The following CEP192 variants were observed in gnomAD, a reference collection of about 807,000 sequenced individuals.
The protein encoded by CEP192 is centrosomal protein of 192 kDa.
CEP192 carries 151 observed loss-of-function variants against 271.8 expected under a neutral mutation model. The ratio of observed to expected loss-of-function variants is 0.56; its 90% CI spans 0.49 to 0.64. The LOEUF is 0.64. Among genes scored for constraint, CEP192 ranks in the 30% least tolerant of loss-of-function variants. The probability of loss-of-function intolerance (pLI) is 0.00; values close to 1 mark genes in which losing one functional copy is unlikely to be tolerated. For synonymous variants in CEP192, 995 were observed against 1,076.5 expected, an observed-to-expected ratio of 0.92 and a Z score of 1.48; for missense variants, 2,910 against 3,020.5, an observed-to-expected ratio of 0.96 and a Z score of 0.86.
chr18:13,065,650 C>T (rs1318919471), intron 21 of CEP192, among the ~76,000 whole-genome samples: 1 of 152,218 alleles, frequency 6.6e-6, no homozygotes, highest in Non-Finnish European at 1.5e-5. Context: ...CACACACATA[C>T]ATACTGGCAG....
chr18:13,108,228 A>G (rs1215359243), intron 40 of CEP192, among the ~76,000 whole-genome samples: 1 of 152,194 alleles, frequency 6.6e-6, no homozygotes, highest in East Asian at 1.9e-4. Context: ...ACCATTTTGG[A>G]CATTATTCTT....
Position 13,056,512 on chromosome 18 carries a change from G to A in CEP192, c.3922G>A (p.Val1308Met). 6.2e-7 allele frequency: 1 copy of A among 1,614,240 alleles called. No individual in the cohort carries two copies. Among genetic ancestry groups the A allele is most frequent in the Non-Finnish European group, 8.5e-7 (1 of 1,180,036 alleles). ...TGCAGGAGAGCCTGTGCAGAACTCT[G>A]TGGCTGTGGGAATTTGTCTAGGATC... is the stretch of plus-strand genomic sequence containing the variant. ...AVAGEPVQNS[V>M]AVGICLGSNI... Residue 1308 changes from valine to methionine, a missense_variant, in exon 19 of 45, where the codon GTG becomes ATG. Transcript: ENST00000506447.
intron 11 of CEP192, among the ~76,000 whole-genome samples, chr18:13,036,769 A>T (rs1420978589): frequency 4.6e-5 from 7 of 152,198 alleles, no homozygotes; most frequent in Non-Finnish European, 1.0e-4. Context: ...TTGAGGGCAG[A>T]CATTAGGGGA....
Position 13,089,484 on chromosome 18 carries a change from A to G in CEP192, c.6022A>G (p.Lys2008Glu), listed in dbSNP as rs886411342. The G allele has an allele frequency of 1.2e-6, 2 of 1,603,594 alleles. No homozygotes were observed. Among genetic ancestry groups the G allele is most frequent in the Non-Finnish European group, 1.7e-6 (2 of 1,174,050 alleles). Reference sequence around the variant, plus strand: ...CCTGTTACATAAACCAGAGATGATAAAACAGATACTTCCAGAACATAGTGT... The same window carrying G: ...CCTGTTACATAAACCAGAGATGATAGAACAGATACTTCCAGAACATAGTGT... The part of the protein sequence containing the change: ...RALLHKPEMI[K>E]QILPEHSVLQ... The change falls in exon 33 of 45, where the codon AAA becomes GAA. Residue 2008 changes from lysine to glutamate, a missense_variant. Coordinates refer to ENST00000506447, the MANE Select transcript of CEP192 (RefSeq NM_032142.4).
chr18:13,057,743 T>G lies in CEP192; in HGVS notation c.4257+10T>G, dbSNP rs2037190298. 6.2e-7 allele frequency: 1 copy of G among 1,611,174 alleles called. No homozygotes were observed. The highest frequency in any genetic ancestry group is 8.5e-7 in the Non-Finnish European group (1 of 1,178,332). ...TGTTAATGGTGAAAAGGTAGCTTTC[T>G]ATGTCTTTCTCATTTAACCTAACAG... On this transcript the variant is annotated intron_variant, in intron 20 of 44. Transcript: ENST00000506447.
Position 13,008,611 on chromosome 18 carries a change from C to T in CEP192, c.446C>T (p.Ser149Leu), listed in dbSNP as rs1257917513. 2 of 1,550,548 alleles carry T rather than the reference C, an allele frequency of 1.3e-6. No homozygotes were observed. The highest frequency in any genetic ancestry group is 3.3e-4 in the Middle Eastern group (2 of 5,984). Residue 149 changes from serine (S) to leucine (L), a missense_variant, in exon 4 of 45, where the codon TCA becomes TTA. Transcript: ENST00000506447. ...GGCCAAGATCTCTTCAACAGGGCTTCACCACTGGAACAAGCACAAGGTACT... is the reference window on the plus strand; with the variant it reads ...GGCCAAGATCTCTTCAACAGGGCTTTACCACTGGAACAAGCACAAGGTACT... The part of the protein sequence containing the change: ...LQGQDLFNRA[S>L]PLEQAQDSPI...
chr18:13,007,727 T>A (rs920165207), intron 3 of CEP192, among the ~76,000 whole-genome samples: 1 of 152,136 alleles, frequency 6.6e-6, no homozygotes, highest in Admixed American at 6.6e-5. Context: ...AAGTAAATTG[T>A]AGTTAGGGTT....
intron 5 of CEP192, 139 bp from the exon 6 acceptor site, chr18:13,015,189 C>A: frequency 1.3e-6 from 1 of 742,228 alleles, no homozygotes. Context: ...AATTGCTAGC[C>A]CTTTATTGCC....
intron 44 of CEP192, 105 bp from the exon 45 acceptor site, chr18:13,124,527 T>G: frequency 9.4e-7 from 1 of 1,069,450 alleles, no homozygotes; most frequent in East Asian, 2.5e-5. Context: ...GAATGTGGCT[T>G]GACCGAGCTC....
chr18:13,038,613 C>CA (rs1339936245), intron 13 of CEP192, 34 bp downstream of exon 13: 2 of 1,464,852 alleles, frequency 1.4e-6, no homozygotes, highest in Non-Finnish European at 9.4e-7. Flanking sequence ...TGCTCACAGT[C>CA]ACCAGATTTT....
Position 13,124,854 on chromosome 18 carries a change from A to G in CEP192, c.*84A>G, listed in dbSNP as rs2040831018. On this transcript the variant is annotated 3_prime_UTR_variant, in exon 45 of 45. Transcript: ENST00000506447. ...TTCTACACTACAATTATGCTTTTGTATATATATTTTGTATGATGGATATCT... is the reference window on the plus strand; with the variant it reads ...TTCTACACTACAATTATGCTTTTGTGTATATATTTTGTATGATGGATATCT... The G allele has an allele frequency of 4.4e-6, 5 of 1,131,450 alleles. No individual in the cohort carries two copies. In the South Asian group the frequency reaches 7.8e-5, roughly 18 times the overall value. The allele number at this position is 1,131,450 out of a possible 1,614,324, so 70.1% of individuals were successfully genotyped here. A position where few individuals can be genotyped will look rare whatever the true frequency, so the allele number is the denominator to read the frequency against.
At chr18:13,055,413 T>C (rs988822869) in intron 18 of CEP192, among the ~76,000 whole-genome samples, 3 of 152,196 alleles carry the variant, frequency 2.0e-5, no homozygotes, top group Non-Finnish European at 2.9e-5. Context: ...TCAAGCTTGC[T>C]CAGCCCCCAC....
chr18:13,074,006 A>G (rs2038144747), intron 30 of CEP192, among the ~76,000 whole-genome samples: 1 of 151,366 alleles, frequency 6.6e-6, no homozygotes, highest in South Asian at 2.1e-4. Context: ...ATTCAAAGCA[A>G]TTAGAGATAA....
chr18:12,998,071 A>T (rs928717901), intron 1 of CEP192, among the ~76,000 whole-genome samples: 18 of 152,064 alleles, frequency 1.2e-4, no homozygotes, highest in Non-Finnish European at 2.6e-4. Context: ...TTCTTTTTAT[A>T]TTTTATAATT....
intron 44 of CEP192, 35 bp from the exon 45 acceptor site, chr18:13,124,597 T>A (rs1456966925): frequency 6.3e-7 from 1 of 1,590,286 alleles, no homozygotes; most frequent in Non-Finnish European, 8.6e-7. Flanking sequence ...GGTGCTGTCA[T>A]GACATGCTGC....
intron 21 of CEP192, 61 bp downstream of exon 21, chr18:13,059,373 TAGA>T: frequency 7.3e-7 from 1 of 1,376,906 alleles, no homozygotes. Flanking sequence ...TGTTTAACCT[TAGA>T]AGTAAAATTT....
intron 1 of CEP192, among the ~76,000 whole-genome samples, chr18:12,998,610 C>G (rs1226652937): frequency 6.6e-6 from 1 of 152,208 alleles, no homozygotes; most frequent in Admixed American, 6.5e-5. Context: ...AATAAACTCT[C>G]TCATCCCATA....
rs770087182 is a variant in CEP192 at position 13,053,089 on chromosome 18, A to C, written c.3188A>C (p.Lys1063Thr). Residue 1063 changes from lysine to threonine, a missense_variant and splice_region_variant, in exon 18 of 45, where the codon AAG becomes ACG. Transcript: ENST00000506447. ...ACAGATGATGCCCTGGAGGACCGCA[A>C]GGTGGGCAGCCACTTGGATTATTTA... The part of the protein sequence containing the change: ...TATDDALEDR[K>T]SDITSELSTT... 2.2e-5 allele frequency: 35 copies of C among 1,599,672 alleles called. No homozygotes were observed. The African/African-American group carries it at 2.7e-4, about 12-fold the overall frequency.
intron 30 of CEP192, among the ~76,000 whole-genome samples, chr18:13,076,402 T>C (rs1398189980): frequency 2.6e-5 from 4 of 151,902 alleles, no homozygotes; most frequent in Non-Finnish European, 5.9e-5. Flanking sequence ...TTTTTGTGTT[T>C]TTAGTAGAGA....
Sources: gnomAD v4.1 joint callset for allele counts (sites outside exome capture counted in the v4.1 genomes callset) on GRCh38, gnomAD v4.1.1 for gene constraint, MANE v1.5 for transcripts, NCBI Gene and HGNC (gene_info 2026-07-23, HGNC 2026-07-21) for gene names.